PTPN14: variants seen among roughly 807,000 people sequenced by gnomAD.
PTPN14 encodes the protein tyrosine-protein phosphatase non-receptor type 14.
Under a neutral mutation model 126.8 loss-of-function variants are expected in PTPN14, and 53 were observed. That is an observed-to-expected ratio of 0.42 (90% CI 0.34 to 0.53). PTPN14 has a LOEUF of 0.53. Ranked by LOEUF, PTPN14 falls within the 20% of genes least tolerant of loss-of-function variation. The probability of loss-of-function intolerance (pLI) is 0.08; values close to 1 mark genes in which losing one functional copy is unlikely to be tolerated. For missense variants in PTPN14, 1,257 were observed against 1,552.9 expected, an observed-to-expected ratio of 0.81 and a Z score of 3.20; for synonymous variants, 630 against 599.3, an observed-to-expected ratio of 1.05 and a Z score of -0.75.
chr1:214,500,825 G>A (rs1654669008), intron 1 of PTPN14, among the ~76,000 whole-genome samples: 3 of 152,142 alleles, frequency 2.0e-5, no homozygotes, highest in Non-Finnish European at 4.4e-5. Context: ...CAACATCTGT[G>A]GGGCATGTGG....
Position 214,521,629 on chromosome 1 carries a change from C to T in PTPN14, c.-155+29554G>A, listed in dbSNP as rs116484305. On this transcript the variant is annotated intron_variant, in intron 1 of 18. Coordinates refer to ENST00000366956, the MANE Select transcript of PTPN14 (RefSeq NM_005401.5). ...ACTCAGGAGGCTGAGACAGGAGAAC[C>T]GCCTGAACCAGGGAGGCGGAGGTTG... 6.6e-3 allele frequency among the ~76,000 whole-genome samples: 1,011 copies of T among 152,100 alleles called. 5 individuals are homozygous for T. The highest frequency in any genetic ancestry group is 0.011 in the Non-Finnish European group (738 of 68,004).
rs200023820 is a variant in PTPN14 at position 214,398,010 on chromosome 1, G to C, written c.670-9C>G. 6.3e-7 allele frequency: 1 copy of C among 1,595,198 alleles called. No individual in the cohort carries two copies. Among genetic ancestry groups the C allele is most frequent in the Non-Finnish European group, 8.6e-7 (1 of 1,163,816 alleles). On this transcript the variant is annotated splice_polypyrimidine_tract_variant and intron_variant, in intron 7 of 18. Coordinates refer to ENST00000366956, the MANE Select transcript of PTPN14 (RefSeq NM_005401.5). ...CAGTTTCCATGATTGTCCTGGGTAA[G>C]ACCAACAAAAGATACTTGTGATGAC...
At chr1:214,456,557 C>T (rs1660387929) in intron 2 of PTPN14, among the ~76,000 whole-genome samples, 1 of 152,176 alleles carries the variant, frequency 6.6e-6, no homozygotes, top group Admixed American at 6.5e-5. Flanking sequence ...AACAACTGCA[C>T]CCTCTTCATT....
chr1:214,416,497 G>A (rs1258164796), intron 3 of PTPN14, among the ~76,000 whole-genome samples: 1 of 152,202 alleles, frequency 6.6e-6, no homozygotes, highest in Non-Finnish European at 1.5e-5. Flanking sequence ...TAATGTGTCA[G>A]CAAGTTCTAT....
intron 11 of PTPN14, among the ~76,000 whole-genome samples, chr1:214,388,502 G>T (rs1164728671): frequency 6.6e-6 from 1 of 152,054 alleles, no homozygotes; most frequent in Non-Finnish European, 1.5e-5. Flanking sequence ...CGCCTCCCGG[G>T]TTCAAGAGAT....
At position 214,464,620 on chromosome 1, in the gene PTPN14, C is replaced by T. The variant is rs201313994; in HGVS notation, c.174+10G>A. 1.2e-6 allele frequency: 2 copies of T among 1,613,280 alleles called. No homozygotes were observed. The highest frequency in any genetic ancestry group is 1.7e-5 in the Admixed American group (1 of 60,012). On this transcript the variant is annotated intron_variant, in intron 2 of 18. Coordinates refer to ENST00000366956, the MANE Select transcript of PTPN14 (RefSeq NM_005401.5). ...ACGCGCACATGCGCACACAGACACA[C>T]CCCTCTTACCTCTCGCAGCTCCAGC...
intron 6 of PTPN14, among the ~76,000 whole-genome samples, chr1:214,402,437 C>CAAAAAAAAAAAAAA (rs1165595746): frequency 1.2e-4 from 6 of 48,140 alleles, no homozygotes; most frequent in African/African-American, 5.8e-4. Flanking sequence ...GAGACTCTGT[C>CAAAAAAAAAAAAAA]AAAAAAAAAA....
At chr1:214,409,489 C>T (rs764682730) in intron 5 of PTPN14, among the ~76,000 whole-genome samples, 11 of 152,176 alleles carry the variant, frequency 7.2e-5, no homozygotes, top group Non-Finnish European at 1.5e-4. Flanking sequence ...TAGGTTGTTT[C>T]CATATCTTGG....
chr1:214,493,577 TAAAG>T (rs1430000461), intron 1 of PTPN14, among the ~76,000 whole-genome samples: 2 of 152,250 alleles, frequency 1.3e-5, no homozygotes, highest in East Asian at 1.9e-4. Context: ...AGGCAATCAA[TAAAG>T]AGTCATCACA....
At position 214,383,582 on chromosome 1, in the gene PTPN14, C is replaced by G; in HGVS notation, c.2273G>C (p.Ser758Thr). 1 of 1,613,764 alleles carries G rather than the reference C, an allele frequency of 6.2e-7. No homozygotes were observed. Among genetic ancestry groups the G allele is most frequent in the Admixed American group, 1.7e-5 (1 of 60,024 alleles). The change falls in exon 13 of 19, where the codon AGT (serine) becomes ACT (threonine). Residue 758 changes from serine to threonine, a missense_variant. By Grantham distance (58) the Ser-to-Thr change is moderately conservative (BLOSUM62 1). Transcript: ENST00000366956. The surrounding 1 kb of genome is among the most constrained non-coding windows in gnomAD (Gnocchi z 4.4). ...PPPEYPGPRK[S>T]VSNGALRQDQ... Reference sequence around the variant, plus strand: ...CTGCCTCAGAGCCCCATTGCTCACACTCTTCCTTGGACCGGGGTACTCAGG... The same window carrying G: ...CTGCCTCAGAGCCCCATTGCTCACAGTCTTCCTTGGACCGGGGTACTCAGG...
At chr1:214,529,828 G>C (rs1655494406) in intron 1 of PTPN14, 1 of 152,334 alleles carries the variant, frequency 6.6e-6, no homozygotes, top group Admixed American at 6.5e-5. Flanking sequence ...AGGTTGCAGT[G>C]AGCCGAAGTG....
intron 1 of PTPN14, among the ~76,000 whole-genome samples, chr1:214,548,565 C>T (rs759361590): frequency 6.6e-6 from 1 of 152,128 alleles, no homozygotes; most frequent in Non-Finnish European, 1.5e-5. Flanking sequence ...TTTAAAAACA[C>T]AGCATTTGGT....
rs565265658 is a variant in PTPN14, at chr1:214,551,497, C to T, written c.-469G>A. 1.3e-5 allele frequency: 2 copies of T among 152,482 alleles called. No individual in the cohort carries two copies. The highest frequency in any genetic ancestry group is 4.8e-5 in the African/African-American group (2 of 41,578). 9.4% of individuals were successfully genotyped at this position (152,482 alleles called of 1,614,324 possible). ...CACTTGATGTCTGTCTAGGGCTCCC[C>T]GAGGACCTGAGCCAGGAGAGCAGGC... On this transcript the variant is annotated 5_prime_UTR_variant, in exon 1 of 19. Coordinates refer to ENST00000366956, the MANE Select transcript of PTPN14 (RefSeq NM_005401.5).
chr1:214,527,921 A>G (rs150761502), intron 1 of PTPN14, among the ~76,000 whole-genome samples: 1 of 152,348 alleles, frequency 6.6e-6, no homozygotes, highest in East Asian at 1.9e-4. Context: ...ACAATATTGA[A>G]AATAGTAACA....
intron 5 of PTPN14, among the ~76,000 whole-genome samples, chr1:214,409,835 T>C (rs1659260905): frequency 6.6e-6 from 1 of 152,226 alleles, no homozygotes; most frequent in African/African-American, 2.4e-5. Context: ...ATCTTTTTGA[T>C]AACAGCCAAT....
intron 1 of PTPN14, among the ~76,000 whole-genome samples, chr1:214,519,112 T>C (rs557636849): frequency 6.6e-6 from 1 of 151,994 alleles, no homozygotes; most frequent in East Asian, 1.9e-4. Flanking sequence ...CCACTAAAAA[T>C]ACAAAAATCA....
At chr1:214,402,203 C>T (rs1034591637) in intron 6 of PTPN14, among the ~76,000 whole-genome samples, 16 of 151,694 alleles carry the variant, frequency 1.1e-4, no homozygotes, top group East Asian at 2.0e-4. Flanking sequence ...TTTGGGAGGC[C>T]GAGGCAGGCA....
chr1:214,420,766 C>T (rs1169351734), intron 3 of PTPN14, among the ~76,000 whole-genome samples: 1 of 152,222 alleles, frequency 6.6e-6, no homozygotes, highest in African/African-American at 2.4e-5. Context: ...CTGTCCTATC[C>T]TATGCTATTG....
intron 1 of PTPN14, among the ~76,000 whole-genome samples, chr1:214,519,634 A>C (rs935591440): frequency 6.6e-6 from 1 of 152,232 alleles, no homozygotes; most frequent in Non-Finnish European, 1.5e-5. Context: ...GATAGAGATA[A>C]TCGCTTGCAT....
Sources: gnomAD v4.1 joint callset for allele counts (sites outside exome capture counted in the v4.1 genomes callset) on GRCh38, gnomAD v4.1.1 for gene constraint, Gnocchi (gnomAD v3.1) non-coding constraint, MANE v1.5 for transcripts, NCBI Gene and HGNC (gene_info 2026-07-23, HGNC 2026-07-21) for gene names.